Variants in IKZF3 observed in about 807,000 individuals in gnomAD.
IKZF3 encodes IKAROS family zinc finger 3.
Under a neutral mutation model 49.0 loss-of-function variants are expected in IKZF3, and 10 were observed. That is an observed-to-expected ratio of 0.20 (90% CI 0.13 to 0.35). The LOEUF is 0.35. IKZF3 is among the 10% of genes least tolerant of loss of function. IKZF3 has a pLI of 1.00. For missense variants in IKZF3, 498 were observed against 664.8 expected, an observed-to-expected ratio of 0.75 and a Z score of 2.76; for synonymous variants, 209 against 228.2, an observed-to-expected ratio of 0.92 and a Z score of 0.76.
chr17:39,798,626 C>T (rs941104282), intron 3 of IKZF3, among the ~76,000 whole-genome samples: 2 of 151,976 alleles, frequency 1.3e-5, no homozygotes, highest in African/African-American at 4.8e-5. Context: ...TTGGCTCAGC[C>T]TCCTGAGTAG....
At chr17:39,828,630 A>G (rs886983620) in intron 3 of IKZF3, among the ~76,000 whole-genome samples, 2 of 152,196 alleles carry the variant, frequency 1.3e-5, no homozygotes, top group Admixed American at 1.3e-4. Context: ...AAGTAGGGAG[A>G]GTACTGTGCA....
At chr17:39,861,482 A>G (rs968277228) in intron 1 of IKZF3, among the ~76,000 whole-genome samples, 1 of 152,220 alleles carries the variant, frequency 6.6e-6, no homozygotes, top group Admixed American at 6.5e-5. Context: ...GATTAAAGGA[A>G]GTACAAACAG....
At chr17:39,803,493 T>C (rs1228315495) in intron 3 of IKZF3, among the ~76,000 whole-genome samples, 1 of 152,094 alleles carries the variant, frequency 6.6e-6, no homozygotes, top group African/African-American at 2.4e-5. Flanking sequence ...AAAATTCCCT[T>C]GCATAGAATA....
intron 1 of IKZF3, among the ~76,000 whole-genome samples, chr17:39,833,389 G>C (rs150977406): frequency 6.6e-6 from 1 of 152,156 alleles, no homozygotes; most frequent in East Asian, 1.9e-4. Flanking sequence ...TCCCAGAAAA[G>C]CTCCCTCACA....
chr17:39,822,406 G>A (rs1598114150), intron 3 of IKZF3, among the ~76,000 whole-genome samples: 1 of 152,042 alleles, frequency 6.6e-6, no homozygotes, highest in African/African-American at 2.4e-5. Flanking sequence ...AGATCTGATG[G>A]TTTAATGAGT....
chr17:39,845,979 C>A (rs1252910361), intron 1 of IKZF3, among the ~76,000 whole-genome samples: 1 of 152,102 alleles, frequency 6.6e-6, no homozygotes, highest in Non-Finnish European at 1.5e-5. Context: ...TACTTAGCAT[C>A]ATGTTTTCAT....
chr17:39,828,194 C>T (rs2062008433), intron 3 of IKZF3, among the ~76,000 whole-genome samples: 1 of 152,126 alleles, frequency 6.6e-6, no homozygotes, highest in African/African-American at 2.4e-5. Flanking sequence ...GTCAGAACTC[C>T]TAAGGGCCTG....
At chr17:39,797,006 T>G (rs1423509251) in intron 3 of IKZF3, among the ~76,000 whole-genome samples, 8 of 150,972 alleles carry the variant, frequency 5.3e-5, no homozygotes, top group African/African-American at 1.7e-4. Flanking sequence ...CTACTAAAAA[T>G]ACAAAAAAAT....
chr17:39,824,300 C>G (rs1031763050), intron 3 of IKZF3, among the ~76,000 whole-genome samples: 3 of 152,094 alleles, frequency 2.0e-5, no homozygotes, highest in African/African-American at 7.2e-5. Context: ...GTATATTTAC[C>G]CAGTGCCTGT....
At chr17:39,856,051 T>TGTACAATATAACATGTATATTGTAC (rs1568073623) in intron 1 of IKZF3, among the ~76,000 whole-genome samples, 2 of 135,270 alleles carry the variant, frequency 1.5e-5, no homozygotes, top group East Asian at 4.0e-4. Context: ...GTATATTGTA[T>TGTACAATATAACATGTATATTGTAC]ATGTACAATA....
chr17:39,778,899 G>C (rs2060657457), intron 6 of IKZF3, among the ~76,000 whole-genome samples: 1 of 152,204 alleles, frequency 6.6e-6, no homozygotes, highest in African/African-American at 2.4e-5. Context: ...GTGGTTCTCA[G>C]ACCTGGCTGC....
At chr17:39,791,987 G>A (rs1218567289) in intron 4 of IKZF3, among the ~76,000 whole-genome samples, 1 of 150,064 alleles carries the variant, frequency 6.7e-6, no homozygotes, top group Non-Finnish European at 1.5e-5. Flanking sequence ...TTGACCTCCT[G>A]GGTTCAAGTG....
intron 1 of IKZF3, among the ~76,000 whole-genome samples, chr17:39,853,736 G>A (rs1340411509): frequency 6.6e-6 from 1 of 151,860 alleles, no homozygotes; most frequent in Non-Finnish European, 1.5e-5. Context: ...TCGGGAGGCT[G>A]AGGTAGGAGA....
intron 5 of IKZF3, among the ~76,000 whole-genome samples, chr17:39,790,398 T>C (rs2060988397): frequency 6.6e-6 from 1 of 152,188 alleles, no homozygotes; most frequent in African/African-American, 2.4e-5. Context: ...AAAAATGAGC[T>C]GTAAAAGAGA....
At chr17:39,812,642 C>T (rs1420907890) in intron 3 of IKZF3, among the ~76,000 whole-genome samples, 1 of 152,182 alleles carries the variant, frequency 6.6e-6, no homozygotes, top group Non-Finnish European at 1.5e-5. Flanking sequence ...CCAAGGTACA[C>T]AATGGCTCGG....
rs1051605336 is a variant in IKZF3, at chr17:39,838,125, C to T, written c.8-5974G>A. ...ATATATCCCACTTGGGTTCATGGAA[C>T]TTCTTAAATCTGTACAGTTACGTTT... On this transcript the variant is annotated intron_variant, in intron 1 of 7. Coordinates refer to ENST00000346872, the MANE Select transcript of IKZF3 (RefSeq NM_012481.5). Among the ~76,000 whole-genome samples the T allele has an allele frequency of 2.0e-5, 3 of 152,194 alleles. No homozygotes were observed. The South Asian group carries it at 6.2e-4, about 31-fold the overall frequency.
At chr17:39,806,684 G>A (rs2061437531) in intron 3 of IKZF3, among the ~76,000 whole-genome samples, 1 of 152,166 alleles carries the variant, frequency 6.6e-6, no homozygotes, top group African/African-American at 2.4e-5. Context: ...TTGGCAGTAT[G>A]GTGGGCAGCC....
chr17:39,851,512 A>G (rs1414642283), intron 1 of IKZF3, among the ~76,000 whole-genome samples: 1 of 152,178 alleles, frequency 6.6e-6, no homozygotes, highest in Non-Finnish European at 1.5e-5. Context: ...AAATATAACA[A>G]CTTGGATGGA....
intron 6 of IKZF3, among the ~76,000 whole-genome samples, chr17:39,785,950 G>A (rs919116818): frequency 1.3e-5 from 2 of 152,110 alleles, no homozygotes; most frequent in East Asian, 1.9e-4. Flanking sequence ...AAAAGGAGCC[G>A]ACACAAAAGG....
Sources: gnomAD v4.1 joint callset for allele counts (sites outside exome capture counted in the v4.1 genomes callset) on GRCh38, gnomAD v4.1.1 for gene constraint, MANE v1.5 for transcripts, NCBI Gene and HGNC (gene_info 2026-07-23, HGNC 2026-07-21) for gene names.